Variants in LIPA observed in about 807,000 individuals in gnomAD.
LIPA encodes the protein lipase A, lysosomal acid type, also known as lysosomal acid lipase/cholesteryl ester hydrolase.
Under a neutral mutation model 40.6 loss-of-function variants are expected in LIPA, and 26 were observed. That is an observed-to-expected ratio of 0.64 (90% confidence interval 0.47 to 0.89). The LOEUF (loss-of-function observed/expected upper bound fraction) is 0.89, where lower values mean the gene tolerates loss of function less well. LIPA is among the 40% of genes least tolerant of loss of function. The pLI is 0.00. For missense variants in LIPA, 455 were observed against 479.6 expected, an observed-to-expected ratio of 0.95 and a Z score of 0.48; for synonymous variants, 188 against 168.4, an observed-to-expected ratio of 1.12 and a Z score of -0.90.
chr10:89,342,341 C>G (rs2274878), intron 1 of LIPA, among the ~76,000 whole-genome samples: 40,131 of 152,112 alleles, frequency 0.26, 5,603 homozygotes, highest in East Asian at 0.32. Flanking sequence ...AAATCATATC[C>G]CAGCCCAGGT....
At chr10:89,256,712 C>G (rs1843183040), upstream of LIPA, among the ~76,000 whole-genome samples, 1 of 152,196 alleles carries the variant, frequency 6.6e-6, no homozygotes, top group African/African-American at 2.4e-5. Flanking sequence ...GAGGGCTTAG[C>G]ACAATTTCAC....
intron 1 of LIPA, among the ~76,000 whole-genome samples, chr10:89,310,515 G>A (rs181098981): frequency 3.3e-5 from 5 of 152,118 alleles, no homozygotes; most frequent in African/African-American, 9.7e-5. Context: ...TTGGAAAAGG[G>A]ACTAACTTAG....
At chr10:89,239,582 C>G (rs1018267989) in intron 3 of LIPA, among the ~76,000 whole-genome samples, 7 of 152,204 alleles carry the variant, frequency 4.6e-5, no homozygotes, top group African/African-American at 1.7e-4. Flanking sequence ...AACAAGAGCA[C>G]CCTGCATCAC....
chr10:89,306,023 A>G (rs1843475567), intron 1 of LIPA: 4 of 1,613,922 alleles, frequency 2.5e-6, no homozygotes, highest in Admixed American at 1.7e-5. Context: ...TTTCACCTGG[A>G]ACTTGATGGA....
At chr10:89,308,456 T>C (rs575367033) in intron 1 of LIPA, 3 of 152,316 alleles carry the variant, frequency 2.0e-5, no homozygotes, top group South Asian at 2.1e-4. Context: ...ATGTCATTGA[T>C]AATAGATGGT....
chr10:89,262,684 C>T (rs1043034115), intron 1 of LIPA, among the ~76,000 whole-genome samples: 3 of 152,222 alleles, frequency 2.0e-5, no homozygotes, highest in Non-Finnish European at 2.9e-5. Flanking sequence ...CACCTCCAAA[C>T]TACTAAATCA....
chr10:89,227,496 G>A (rs571602783), intron 4 of LIPA, among the ~76,000 whole-genome samples: 3 of 152,296 alleles, frequency 2.0e-5, no homozygotes, highest in South Asian at 4.1e-4. Flanking sequence ...GTCCTTAGAG[G>A]TGCCTCTGGT....
intron 1 of LIPA, chr10:89,302,022 TAG>T: frequency 1.5e-6 from 2 of 1,338,258 alleles, no homozygotes; most frequent in Non-Finnish European, 2.1e-6. Flanking sequence ...CTTGTATATA[TAG>T]GTCTCTTCAG....
Position 89,245,738 on chromosome 10 carries a change from T to C in LIPA, c.167A>G (p.Glu56Gly). Reference sequence around the variant, plus strand: ...GTTAAGGCACAGAATATATCCATCTTCTGTCTCAACTAGGTATTCCTCACT... The same window carrying C: ...GTTAAGGCACAGAATATATCCATCTCCTGTCTCAACTAGGTATTCCTCACT... Reference protein sequence around the residue: ...FPSEEYLVETEDGYILCLNRI... With the variant: ...FPSEEYLVETGDGYILCLNRI... Residue 56 changes from glutamate (E) to glycine (G), a missense_variant, in exon 3 of 10, where the codon GAA becomes GGA. Physicochemically the swap from Glu to Gly is moderately conservative, Grantham distance 98. Transcript: ENST00000336233. 6.2e-7 allele frequency: 1 copy of C among 1,606,702 alleles called. No homozygotes were observed. Among genetic ancestry groups the C allele is most frequent in the African/African-American group, 1.3e-5 (1 of 74,948 alleles).
intron 1 of LIPA, chr10:89,340,030 T>G: frequency 6.2e-7 from 1 of 1,614,208 alleles, no homozygotes; most frequent in Non-Finnish European, 8.5e-7. Flanking sequence ...TATTTTCCTG[T>G]CAGCATCTGA....
intron 2 of LIPA, among the ~76,000 whole-genome samples, chr10:89,350,356 A>T (rs966341131): frequency 7.5e-6 from 1 of 133,882 alleles, no homozygotes; most frequent in Non-Finnish European, 1.6e-5. Context: ...GCCAGGCTGG[A>T]GGGCAATGGC....
intron 1 of LIPA, chr10:89,328,034 T>A (rs1023400061): frequency 4.3e-6 from 7 of 1,613,306 alleles, no homozygotes; most frequent in Non-Finnish European, 5.9e-6. Flanking sequence ...ATCAGCCTGG[T>A]CACCAGCTTT....
At chr10:89,269,817 T>G (rs1250844464) in intron 1 of LIPA, among the ~76,000 whole-genome samples, 1 of 152,226 alleles carries the variant, frequency 6.6e-6, no homozygotes, top group East Asian at 1.9e-4. Context: ...TTTACTAAAA[T>G]GTGAGACTAA....
intron 1 of LIPA, among the ~76,000 whole-genome samples, chr10:89,303,380 G>A (rs1470902834): frequency 6.6e-6 from 1 of 152,218 alleles, no homozygotes; most frequent in Non-Finnish European, 1.5e-5. Flanking sequence ...GACTGCGGTG[G>A]TAGCATTAGT....
chr10:89,274,571 GA>G (rs1843280654), intron 1 of LIPA, among the ~76,000 whole-genome samples: 2 of 152,308 alleles, frequency 1.3e-5, no homozygotes, highest in Admixed American at 6.5e-5. Context: ...AAATATAAAG[GA>G]TTTTTTTGGA....
rs775465056 is a variant in LIPA, at chr10:89,340,152, C to G, written c.-2+2459G>C. On this transcript the variant is annotated intron_variant, in intron 1 of 5. Coordinates refer to the LIPA transcript ENST00000282673. ...GAGACAGAGGAGGAAAACAGAGCAT[C>G]AGAAGCCTGCAGTGGTGGTTGTGAC... 22 of 1,548,370 alleles carry G rather than the reference C, an allele frequency of 1.4e-5. No individual in the cohort carries two copies. The South Asian group carries it at 2.3e-4, about 17-fold the overall frequency.
At chr10:89,297,821 T>C (rs1306179381) in intron 1 of LIPA, among the ~76,000 whole-genome samples, 1 of 152,206 alleles carries the variant, frequency 6.6e-6, no homozygotes, top group Non-Finnish European at 1.5e-5. Flanking sequence ...GCACAGCCAC[T>C]GATGCTACTA....
intron 1 of LIPA, among the ~76,000 whole-genome samples, chr10:89,328,591 A>G (rs1843621442): frequency 6.6e-6 from 1 of 152,236 alleles, no homozygotes; most frequent in Non-Finnish European, 1.5e-5. Context: ...CCACTCATGA[A>G]GAAGGCAATT....
At chr10:89,409,240 G>A (rs775930788) in intron 2 of LIPA, among the ~76,000 whole-genome samples, 9 of 152,100 alleles carry the variant, frequency 5.9e-5, no homozygotes, top group South Asian at 4.1e-4. Context: ...TGGCAACCTC[G>A]GTGTTCTATA....
Sources: allele counts gnomAD v4.1 joint callset (sites outside exome capture counted in the v4.1 genomes callset), GRCh38; gene constraint gnomAD v4.1.1; transcripts MANE v1.5; gene names NCBI Gene and HGNC (gene_info 2026-07-23, HGNC 2026-07-21).